Variants in EGFR observed in about 807,000 individuals in gnomAD.
EGFR encodes epidermal growth factor receptor, also known as avian erythroblastic leukemia viral (v-erb-b) oncogene homolog.
A neutral mutation model predicts 143.0 loss-of-function variants in EGFR; 58 were observed. The observed-to-expected ratio is 0.41, with a 90% CI of 0.33 to 0.50. The LOEUF (loss-of-function observed/expected upper bound fraction) is 0.50. EGFR is among the 20% of genes least tolerant of loss of function. The probability of loss-of-function intolerance (pLI) is 0.39; values close to 1 mark genes in which losing one functional copy is unlikely to be tolerated. For missense variants in EGFR, 1,307 were observed against 1,579.0 expected, an observed-to-expected ratio of 0.83 and a Z score of 2.92; for synonymous variants, 613 against 594.4, an observed-to-expected ratio of 1.03 and a Z score of -0.45.
rs554077237 is a variant in EGFR at position 55,206,170 on chromosome 7, G to A, written c.*553G>A. ...AAGGCCTTCATGGCCCCAGCAGGCC[G>A]GATCGGTACTGTATCAAGTCATGGC... On this transcript the variant is annotated 3_prime_UTR_variant, in exon 28 of 28. Coordinates refer to ENST00000275493, the MANE Select transcript of EGFR (RefSeq NM_005228.5). 7.0e-5 allele frequency: 20 copies of A among 286,118 alleles called. No individual in the cohort carries two copies. The highest frequency in any genetic ancestry group is 1.6e-4 in the South Asian group (2 of 12,366). 17.7% of individuals were successfully genotyped at this position (286,118 alleles called of 1,614,324 possible).
At chr7:55,141,028 A>G (rs1296545617) in intron 1 of EGFR, among the ~76,000 whole-genome samples, 1 of 152,218 alleles carries the variant, frequency 6.6e-6, no homozygotes, top group Non-Finnish European at 1.5e-5. Context: ...ATAGAAATGC[A>G]CATGTAAAAA....
intron 20 of EGFR, chr7:55,181,896 G>T (rs1786896465): frequency 3.4e-6 from 1 of 296,630 alleles, no homozygotes; most frequent in East Asian, 8.9e-5. Flanking sequence ...AGTGGAGCAG[G>T]TGCCTTGCAG....
intron 23 of EGFR, among the ~76,000 whole-genome samples, 160 bp downstream of exon 23, chr7:55,199,023 T>C (rs768579050): frequency 6.6e-6 from 1 of 152,248 alleles, no homozygotes; most frequent in Non-Finnish European, 1.5e-5. Flanking sequence ...TCAAGCATTC[T>C]TTTAAAGACA....
At chr7:55,108,983 G>T (rs1159594640) in intron 1 of EGFR, among the ~76,000 whole-genome samples, 1 of 152,170 alleles carries the variant, frequency 6.6e-6, no homozygotes, top group Non-Finnish European at 1.5e-5. Flanking sequence ...ATATAAATCA[G>T]CAGGATACAT....
At chr7:55,051,684 C>A (rs937553574) in intron 1 of EGFR, among the ~76,000 whole-genome samples, 1 of 152,178 alleles carries the variant, frequency 6.6e-6, no homozygotes, top group African/African-American at 2.4e-5. Context: ...AGGGTACCAA[C>A]CTTTAAAGAC....
At chr7:55,055,111 G>C (rs17172431) in intron 1 of EGFR, among the ~76,000 whole-genome samples, 3,729 of 152,218 alleles carry the variant, frequency 0.024, 156 homozygotes, top group African/African-American at 0.085. Flanking sequence ...CATAATAACT[G>C]ACATGGGTCG....
chr7:55,204,064 A>T (rs1009834216), intron 27 of EGFR, among the ~76,000 whole-genome samples: 1 of 151,734 alleles, frequency 6.6e-6, no homozygotes. Context: ...ATCTAATATA[A>T]TATAAACAGA....
At chr7:55,162,064 C>T (rs1427760689) in intron 13 of EGFR, among the ~76,000 whole-genome samples, 1 of 152,148 alleles carries the variant, frequency 6.6e-6, no homozygotes, top group East Asian at 1.9e-4. Context: ...GTTTTATGTG[C>T]CCCCAGCATG....
chr7:55,076,265 TAA>T (rs1790125569), intron 1 of EGFR, among the ~76,000 whole-genome samples: 1 of 152,188 alleles, frequency 6.6e-6, no homozygotes. Flanking sequence ...ACAGAAATGG[TAA>T]CGCATGTCAA....
At chr7:55,116,869 G>T (rs939821079) in intron 1 of EGFR, among the ~76,000 whole-genome samples, 6 of 152,194 alleles carry the variant, frequency 3.9e-5, no homozygotes, top group Non-Finnish European at 2.9e-5. Flanking sequence ...TTCCATCATA[G>T]GAGAATACCA....
chr7:55,096,862 G>A (rs1229390027), intron 1 of EGFR, among the ~76,000 whole-genome samples: 1 of 152,180 alleles, frequency 6.6e-6, no homozygotes, highest in African/African-American at 2.4e-5. Context: ...AGTCATGGGA[G>A]GTGCAGCCGA....
At chr7:55,077,037 A>G (rs769897192) in intron 1 of EGFR, among the ~76,000 whole-genome samples, 13 of 152,012 alleles carry the variant, frequency 8.6e-5, no homozygotes, top group Non-Finnish European at 1.9e-4. Context: ...ATCCATGTCA[A>G]TCCCAATATG....
chr7:55,024,280 A>C (rs1786754384), intron 1 of EGFR, among the ~76,000 whole-genome samples: 1 of 152,198 alleles, frequency 6.6e-6, no homozygotes. Context: ...CTGTGGACTG[A>C]GCATCTGTGA....
At chr7:55,122,897 G>T (rs1335297806) in intron 1 of EGFR, among the ~76,000 whole-genome samples, 2 of 152,280 alleles carry the variant, frequency 1.3e-5, no homozygotes, top group African/African-American at 4.8e-5. Flanking sequence ...AGTTCCCTCA[G>T]TGCTGGGGCC....
intron 22 of EGFR, among the ~76,000 whole-genome samples, chr7:55,195,418 A>G (rs1436689972): frequency 6.6e-6 from 1 of 152,202 alleles, no homozygotes; most frequent in African/African-American, 2.4e-5. Flanking sequence ...TTTAACCATC[A>G]TAGTTGTTTG....
chr7:55,158,752 C>A (rs1785550661), intron 11 of EGFR, among the ~76,000 whole-genome samples: 3 of 152,202 alleles, frequency 2.0e-5, no homozygotes, highest in Non-Finnish European at 1.5e-5. Context: ...GGGTGTGACT[C>A]ACTGAGGCCC....
chr7:55,040,446 G>A (rs554167525), intron 1 of EGFR, among the ~76,000 whole-genome samples: 9 of 152,260 alleles, frequency 5.9e-5, no homozygotes, highest in Admixed American at 2.0e-4. Flanking sequence ...CTTTCCATTA[G>A]CAAGGAGCTT....
chr7:55,035,998 T>G (rs915890600), intron 1 of EGFR, among the ~76,000 whole-genome samples: 1 of 152,004 alleles, frequency 6.6e-6, no homozygotes, highest in Non-Finnish European at 1.5e-5. Context: ...AATTATCTAG[T>G]GATGCAGTGT....
intron 1 of EGFR, among the ~76,000 whole-genome samples, chr7:55,072,334 C>T (rs1194898651): frequency 6.6e-6 from 1 of 152,186 alleles, no homozygotes. Flanking sequence ...CGGACAAAAG[C>T]ACGTTCATCA....
Sources: allele counts gnomAD v4.1 joint callset (sites outside exome capture counted in the v4.1 genomes callset), GRCh38; gene constraint gnomAD v4.1.1; transcripts MANE v1.5; gene names NCBI Gene and HGNC (gene_info 2026-07-23, HGNC 2026-07-21).